The following MTHFD1L variants were observed in gnomAD, a reference collection of about 807,000 sequenced individuals.
The protein encoded by MTHFD1L is monofunctional C1-tetrahydrofolate synthase, mitochondrial.
Under a neutral mutation model 119.5 loss-of-function variants are expected in MTHFD1L, and 81 were observed. The ratio of observed to expected loss-of-function variants is 0.68; its 90% CI spans 0.57 to 0.82. The LOEUF (loss-of-function observed/expected upper bound fraction) is 0.82. MTHFD1L is among the 40% of genes least tolerant of loss of function. The probability of loss-of-function intolerance (pLI) is 0.00; values close to 1 mark genes in which losing one functional copy is unlikely to be tolerated. For missense variants in MTHFD1L, 1,125 were observed against 1,253.4 expected (o/e 0.90, Z 1.55); for synonymous variants, 430 against 475.2 (o/e 0.90, Z 1.24).
chr6:150,912,339 T>G (rs1181290854), intron 8 of MTHFD1L, among the ~76,000 whole-genome samples: 1 of 151,818 alleles, frequency 6.6e-6, no homozygotes, highest in East Asian at 1.9e-4. Context: ...TGATTTCTAA[T>G]TTTTAGCCAT....
chr6:151,047,495 G>A (rs1475127286), intron 26 of MTHFD1L, among the ~76,000 whole-genome samples: 1 of 152,328 alleles, frequency 6.6e-6, no homozygotes, highest in East Asian at 1.9e-4. Context: ...GAATGAAAAT[G>A]TATAACTGCA....
chr6:151,058,376 C>T (rs1316982359), intron 26 of MTHFD1L, among the ~76,000 whole-genome samples: 1 of 152,148 alleles, frequency 6.6e-6, no homozygotes, highest in African/African-American at 2.4e-5. Flanking sequence ...TGGCATTTGT[C>T]CTGGCAAAGG....
intron 17 of MTHFD1L, among the ~76,000 whole-genome samples, chr6:150,959,912 C>G (rs567580395): frequency 5.5e-4 from 84 of 152,336 alleles, no homozygotes; most frequent in African/African-American, 2.0e-3. Flanking sequence ...CAGTGGTAGA[C>G]TGATAATGAC....
intron 24 of MTHFD1L, among the ~76,000 whole-genome samples, chr6:151,027,308 A>G (rs1032800046): frequency 3.9e-5 from 6 of 152,050 alleles, no homozygotes; most frequent in African/African-American, 1.5e-4. Context: ...ATTGTCCCCA[A>G]TCCATCAGAA....
chr6:151,065,709 C>T (rs1379798736), intron 26 of MTHFD1L, among the ~76,000 whole-genome samples: 1 of 152,234 alleles, frequency 6.6e-6, no homozygotes, highest in African/African-American at 2.4e-5. Context: ...GCCTCATGTG[C>T]CCTGTCCTAA....
intron 26 of MTHFD1L, among the ~76,000 whole-genome samples, chr6:151,088,820 C>A (rs1794098633): frequency 6.6e-6 from 1 of 152,124 alleles, no homozygotes. Flanking sequence ...ATGTTCCGAT[C>A]CACTGCAGCT....
At chr6:150,990,267 G>A (rs1778875837) in intron 20 of MTHFD1L, among the ~76,000 whole-genome samples, 1 of 148,806 alleles carries the variant, frequency 6.7e-6, no homozygotes, top group Non-Finnish European at 1.5e-5. Flanking sequence ...GACGGAGTGA[G>A]ATTCTGTCTC....
chr6:151,100,809 T>C (rs1795309220), intron 27 of MTHFD1L, among the ~76,000 whole-genome samples: 1 of 152,082 alleles, frequency 6.6e-6, no homozygotes, highest in Non-Finnish European at 1.5e-5. Flanking sequence ...AAACATTGCT[T>C]TCTGTGCCTA....
intron 26 of MTHFD1L, among the ~76,000 whole-genome samples, chr6:151,081,517 A>AAAT (rs1562639710): frequency 1.4e-5 from 2 of 144,868 alleles, no homozygotes; most frequent in African/African-American, 5.1e-5. Context: ...AAAAAAAAAA[A>AAAT]AAAAAATAGC....
At chr6:151,021,845 G>T (rs749971465) in intron 24 of MTHFD1L, among the ~76,000 whole-genome samples, 1 of 152,228 alleles carries the variant, frequency 6.6e-6, no homozygotes, top group African/African-American at 2.4e-5. Flanking sequence ...AAAGAAGGAG[G>T]TATGACCCGG....
At chr6:151,097,302 C>T (rs986651221) in intron 27 of MTHFD1L, among the ~76,000 whole-genome samples, 9 of 152,168 alleles carry the variant, frequency 5.9e-5, no homozygotes, top group Admixed American at 1.3e-4. Context: ...TCTTGAATTA[C>T]ATACACAGAA....
chr6:151,035,755 G>A (rs752126965), intron 25 of MTHFD1L, among the ~76,000 whole-genome samples: 1 of 151,902 alleles, frequency 6.6e-6, no homozygotes, highest in Non-Finnish European at 1.5e-5. Context: ...GTGTTAAAAT[G>A]GTATTTCTTT....
At chr6:150,952,568 C>T (rs979625588) in intron 16 of MTHFD1L, among the ~76,000 whole-genome samples, 41 of 152,220 alleles carry the variant, frequency 2.7e-4, no homozygotes, top group African/African-American at 9.1e-4. Flanking sequence ...GTCTCACTCT[C>T]TTGCCAGGCT....
intron 20 of MTHFD1L, among the ~76,000 whole-genome samples, chr6:150,979,767 A>C (rs4869964): frequency 0.45 from 68,402 of 151,952 alleles, 17,691 homozygotes; most frequent in African/African-American, 0.67. Context: ...CCCAAAGTGT[A>C]GAGATTATAG....
rs561454280 is a variant in MTHFD1L at position 150,890,097 on chromosome 6, G to A, written c.780+2116G>A. On this transcript the variant is annotated intron_variant, in intron 7 of 27. Coordinates refer to ENST00000367321, the MANE Select transcript of MTHFD1L (RefSeq NM_015440.5). ...CTTGAACCCGGGAGGCAGAGGTTGC[G>A]GTGAGCCGAGATCACACCATTGTAC... 1.8e-3 allele frequency among the ~76,000 whole-genome samples: 272 copies of A among 151,772 alleles called. 1 individual carries two copies. The highest frequency in any genetic ancestry group is 4.9e-3 in the African/African-American group (201 of 41,350).
At chr6:150,901,391 G>A (rs1443219174) in intron 7 of MTHFD1L, among the ~76,000 whole-genome samples, 1 of 152,184 alleles carries the variant, frequency 6.6e-6, no homozygotes, top group African/African-American at 2.4e-5. Flanking sequence ...TAGGAGGATC[G>A]CTTAAGCCCA....
intron 7 of MTHFD1L, among the ~76,000 whole-genome samples, chr6:150,896,459 C>CCA (rs1784234409): frequency 6.6e-6 from 1 of 152,120 alleles, no homozygotes; most frequent in African/African-American, 2.4e-5. Flanking sequence ...CCCTCCCCTG[C>CCA]CTGCTGTGGG....
intron 20 of MTHFD1L, among the ~76,000 whole-genome samples, chr6:150,997,854 C>G (rs369863329): frequency 6.6e-5 from 10 of 152,156 alleles, no homozygotes; most frequent in African/African-American, 2.2e-4. Context: ...CTGTTTGTAC[C>G]AAAACTGAGC....
At chr6:150,903,203 A>T (rs544650772) in intron 7 of MTHFD1L, among the ~76,000 whole-genome samples, 4 of 85,472 alleles carry the variant, frequency 4.7e-5, no homozygotes, top group Non-Finnish European at 6.4e-5. Flanking sequence ...TGGCTGCAAA[A>T]TTTTTTTTTT....
Sources: allele counts gnomAD v4.1 joint callset (sites outside exome capture counted in the v4.1 genomes callset), GRCh38; gene constraint gnomAD v4.1.1; transcripts MANE v1.5; gene names NCBI Gene and HGNC (gene_info 2026-07-23, HGNC 2026-07-21).